Variants in SIPA1L3 observed in about 807,000 individuals in gnomAD.
SIPA1L3 encodes signal induced proliferation associated 1 like 3.
A neutral mutation model predicts 150.1 loss-of-function variants in SIPA1L3; 59 were observed. The observed-to-expected ratio is 0.39, with a 90% CI of 0.32 to 0.49. SIPA1L3 has a LOEUF of 0.49. Ranked by LOEUF, SIPA1L3 falls within the 20% of genes least tolerant of loss-of-function variation. The pLI is 0.86. For missense variants in SIPA1L3, 2,211 were observed against 2,489.5 expected (o/e 0.89, Z 2.38); for synonymous variants, 1,070 against 1,077.6 (o/e 0.99, Z 0.14).
intron 1 of SIPA1L3, among the ~76,000 whole-genome samples, chr19:38,011,304 CT>C (rs1968091778): frequency 6.6e-6 from 1 of 151,982 alleles, no homozygotes; most frequent in Non-Finnish European, 1.5e-5. Flanking sequence ...GTGAAACCCC[CT>C]CTCTACAAAA....
intron 12 of SIPA1L3, 65 bp from the exon 13 acceptor site, chr19:38,152,775 G>A (rs879211545): frequency 7.8e-6 from 12 of 1,531,610 alleles, no homozygotes; most frequent in Non-Finnish European, 1.1e-5. Context: ...CTCAGGCTCA[G>A]GCTCAGGTGG....
At chr19:38,083,770 C>A (rs903282471) in intron 3 of SIPA1L3, among the ~76,000 whole-genome samples, 2 of 152,230 alleles carry the variant, frequency 1.3e-5, no homozygotes, top group Non-Finnish European at 2.9e-5. Context: ...GCAGGCGGAT[C>A]ACTTGAGGTC....
intron 10 of SIPA1L3, among the ~76,000 whole-genome samples, chr19:38,132,129 A>G (rs1971325599): frequency 6.6e-6 from 1 of 151,752 alleles, no homozygotes. Flanking sequence ...AGCCCCAGCT[A>G]TTTTCAGGCT....
chr19:37,915,510 T>C (rs1202293836), intron 1 of SIPA1L3, among the ~76,000 whole-genome samples: 1 of 151,954 alleles, frequency 6.6e-6, no homozygotes, highest in Non-Finnish European at 1.5e-5. Context: ...GCCTCCTGAG[T>C]ACCTGGAGTT....
intron 6 of SIPA1L3, among the ~76,000 whole-genome samples, chr19:38,104,997 TCTGGCA>T (rs1246774288): frequency 6.6e-6 from 1 of 152,096 alleles, no homozygotes; most frequent in East Asian, 1.9e-4. Flanking sequence ...CCAACCTGGC[TCTGGCA>T]CTGGCAGCTG....
At chr19:38,188,464 G>A (rs1972735662) in intron 16 of SIPA1L3, among the ~76,000 whole-genome samples, 1 of 151,762 alleles carries the variant, frequency 6.6e-6, no homozygotes, top group Non-Finnish European at 1.5e-5. Context: ...GATTACAGGC[G>A]TGAACCACCA....
At chr19:38,197,694 C>T (rs1440271141) in intron 18 of SIPA1L3, among the ~76,000 whole-genome samples, 1 of 151,958 alleles carries the variant, frequency 6.6e-6, no homozygotes, top group Non-Finnish European at 1.5e-5. Context: ...AATCCTGGCC[C>T]TTCTCTTTGT....
chr19:38,174,607 T>C (rs1305863900), intron 15 of SIPA1L3, among the ~76,000 whole-genome samples: 1 of 152,042 alleles, frequency 6.6e-6, no homozygotes, highest in Non-Finnish European at 1.5e-5. Context: ...CCCAGCACTT[T>C]GGGAGGCCGA....
At chr19:38,114,049 G>T (rs911115654) in intron 8 of SIPA1L3, among the ~76,000 whole-genome samples, 1 of 152,126 alleles carries the variant, frequency 6.6e-6, no homozygotes, top group Non-Finnish European at 1.5e-5. Context: ...GCAATTTTAT[G>T]ATTTGTGAAA....
chr19:38,121,138 T>C (rs1291326346), intron 9 of SIPA1L3, among the ~76,000 whole-genome samples: 1 of 151,506 alleles, frequency 6.6e-6, no homozygotes, highest in Admixed American at 6.6e-5. Context: ...GCCCAGGAGT[T>C]TGAGACCAGC....
chr19:38,172,225 A>G (rs1459574365), intron 15 of SIPA1L3, among the ~76,000 whole-genome samples: 2 of 152,166 alleles, frequency 1.3e-5, no homozygotes, highest in Admixed American at 6.5e-5. Flanking sequence ...AGAGCCAGCA[A>G]GCCATGTGAG....
intron 1 of SIPA1L3, among the ~76,000 whole-genome samples, chr19:37,930,877 T>TA (rs2046548255): frequency 8.5e-6 from 1 of 117,614 alleles, no homozygotes; most frequent in Non-Finnish European, 1.6e-5. Flanking sequence ...ACTCATACAA[T>TA]ATGTATCAGC....
In SIPA1L3 at chr19:38,082,457, G is replaced by A. The variant is rs1471945520; in HGVS notation, c.892G>A (p.Asp298Asn). ...GGGCCTCGGCGGCGGGGACACGGTGGACTCGTCCATCTTTCGGAAGCTAAG... is the reference window on the plus strand; with the variant it reads ...GGGCCTCGGCGGCGGGGACACGGTGAACTCGTCCATCTTTCGGAAGCTAAG... Reference protein sequence around the residue: ...ARGLGGGDTVDSSIFRKLRSS... With the variant: ...ARGLGGGDTVNSSIFRKLRSS... The change falls in exon 3 of 22, where the codon GAC (aspartate) becomes AAC (asparagine). Residue 298 changes from aspartate to asparagine, a missense_variant. Physicochemically the swap from Asp to Asn is conservative, Grantham distance 23. Around this residue, in one of 5 missense-constraint regions of SIPA1L3, gnomAD observed 587 missense variants for 534.5 expected, o/e 1.10. Coordinates refer to ENST00000222345, the MANE Select transcript of SIPA1L3 (RefSeq NM_015073.3). The A allele has an allele frequency of 9.4e-6, 15 of 1,590,348 alleles. No individual in the cohort carries two copies. The highest frequency in any genetic ancestry group is 1.2e-5 in the Non-Finnish European group (14 of 1,169,218).
At chr19:38,113,830 A>G (rs1189449772) in intron 8 of SIPA1L3, among the ~76,000 whole-genome samples, 1 of 152,086 alleles carries the variant, frequency 6.6e-6, no homozygotes, top group Non-Finnish European at 1.5e-5. Context: ...TGTTCTAGCA[A>G]CGCTTCTTGC....
chr19:38,159,343 G>T (rs982939063), intron 13 of SIPA1L3, among the ~76,000 whole-genome samples: 1 of 152,182 alleles, frequency 6.6e-6, no homozygotes, highest in African/African-American at 2.4e-5. Context: ...GCAAGCTCGG[G>T]GTCCCACAGG....
chr19:37,919,625 G>A (rs747286025), intron 1 of SIPA1L3, among the ~76,000 whole-genome samples: 3 of 151,768 alleles, frequency 2.0e-5, no homozygotes, highest in Non-Finnish European at 4.4e-5. Flanking sequence ...CACTTGTTCC[G>A]GCCTCCTCAC....
At chr19:38,124,335 A>C (rs1331799888) in intron 9 of SIPA1L3, among the ~76,000 whole-genome samples, 1 of 132,292 alleles carries the variant, frequency 7.6e-6, no homozygotes, top group African/African-American at 3.0e-5. Flanking sequence ...GGTCGCGGCC[A>C]GGCAGAGGCG....
intron 1 of SIPA1L3, among the ~76,000 whole-genome samples, chr19:38,014,864 T>A (rs1466976949): frequency 1.3e-5 from 2 of 151,976 alleles, no homozygotes; most frequent in African/African-American, 2.4e-5. Context: ...AGAGACGGGG[T>A]TTCACTGTGT....
chr19:38,165,690 C>T (rs1398365208), intron 15 of SIPA1L3, among the ~76,000 whole-genome samples: 2 of 152,180 alleles, frequency 1.3e-5, no homozygotes, highest in African/African-American at 4.8e-5. Context: ...CTTGTTCAGC[C>T]CAGCTGCTGG....
Sources: allele counts gnomAD v4.1 joint callset (sites outside exome capture counted in the v4.1 genomes callset), GRCh38; gene constraint gnomAD v4.1.1; regional missense constraint gnomAD v4.1.1; transcripts MANE v1.5; gene names NCBI Gene and HGNC (gene_info 2026-07-23, HGNC 2026-07-21).